The following NPHP4 variants were observed in gnomAD, a reference collection of about 807,000 sequenced individuals.
NPHP4 encodes nephrocystin 4.
A neutral mutation model predicts 155.8 loss-of-function variants in NPHP4; 151 were observed. That is an observed-to-expected ratio of 0.97 (90% CI 0.85 to 1.11). The LOEUF is 1.11. NPHP4 is among the 50% of genes least tolerant of loss of function. The pLI is 0.00. For synonymous variants in NPHP4, 845 were observed against 816.8 expected, an observed-to-expected ratio of 1.03 and a Z score of -0.59; for missense variants, 1,956 against 1,925.7, an observed-to-expected ratio of 1.02 and a Z score of -0.29.
intron 9 of NPHP4, among the ~76,000 whole-genome samples, chr1:5,935,045 A>G (rs1312453096): frequency 6.6e-6 from 1 of 152,192 alleles, no homozygotes; most frequent in Admixed American, 6.5e-5. Context: ...AGATGGCCCC[A>G]TGGTCTCTAC....
intron 1 of NPHP4, among the ~76,000 whole-genome samples, chr1:5,987,186 G>C (rs1351914607): frequency 6.6e-6 from 1 of 152,056 alleles, no homozygotes; most frequent in African/African-American, 2.4e-5. Flanking sequence ...GGTGGGTCTT[G>C]GCCCGTTTTG....
At chr1:5,963,321 G>A (rs990807968) in intron 5 of NPHP4, among the ~76,000 whole-genome samples, 1 of 152,030 alleles carries the variant, frequency 6.6e-6, no homozygotes, top group African/African-American at 2.4e-5. Flanking sequence ...CTTGAACCCG[G>A]GAGGCAGAGG....
intron 3 of NPHP4, among the ~76,000 whole-genome samples, chr1:5,969,974 T>C (rs1652270416): frequency 6.6e-6 from 1 of 152,140 alleles, no homozygotes; most frequent in Non-Finnish European, 1.5e-5. Flanking sequence ...GTAGATGATA[T>C]TCAAATTGAT....
rs965567497 is a variant in NPHP4 at position 5,873,729 on chromosome 1, C to T, written c.3232-394G>A. On this transcript the variant is annotated intron_variant, in intron 22 of 29. Transcript: ENST00000378156. ...AAAAGCTGAAACACACACTCCACAC[C>T]CCATGCCGGCCTCACGCACCCGGGC... 1.3e-5 allele frequency: 4 copies of T among 311,234 alleles called. No homozygotes were observed. In the Admixed American group the frequency reaches 2.0e-4, roughly 16 times the overall value. 19.3% of individuals were successfully genotyped at this position (311,234 alleles called of 1,614,324 possible).
intron 20 of NPHP4, chr1:5,876,365 G>A (rs1642607388): frequency 6.6e-6 from 1 of 152,616 alleles, no homozygotes; most frequent in African/African-American, 2.4e-5. Context: ...AGTCCTGTGG[G>A]ATCAGGCCAG....
chr1:5,879,241 TCA>T (rs1004594885), intron 19 of NPHP4: 18 of 261,118 alleles, frequency 6.9e-5, no homozygotes, highest in South Asian at 4.9e-4. Context: ...AGCTGTGAAT[TCA>T]CACAGATGAT....
At chr1:5,902,255 G>A (rs151097524) in intron 16 of NPHP4, among the ~76,000 whole-genome samples, 91 of 152,270 alleles carry the variant, frequency 6.0e-4, no homozygotes, top group African/African-American at 2.0e-3. Flanking sequence ...GCAACAGTCC[G>A]AGATGTGCTT....
Position 5,979,393 on chromosome 1 carries a change from G to A in NPHP4, c.136-980C>T, listed in dbSNP as rs114088019. On this transcript the variant is annotated intron_variant, in intron 2 of 29. Coordinates refer to ENST00000378156, the MANE Select transcript of NPHP4 (RefSeq NM_015102.5). ...GATGATCCTTGAGCTGAGAACAAGG[G>A]GGGCATGAGAAGAACCACAGGGAGT... 2.0e-5 allele frequency among the ~76,000 whole-genome samples: 3 copies of A among 152,198 alleles called. No individual in the cohort carries two copies. In the South Asian group the frequency reaches 6.2e-4, roughly 32 times the overall value.
rs376351293 is a variant in NPHP4 at position 5,874,534 on chromosome 1, G to A, written c.3168C>T (p.His1056=). ...SLAPQLYLRP[H]ETAHVPFKFQ... ...ACTTGAAGGGGACGTGGGCGGTCTC[G>A]TGGGGGCGCAGGTAGAGCTGGGGGG... Residue 1056 remains histidine (H), a synonymous_variant, in exon 22 of 30, where the codon CAC becomes CAT. Transcript: ENST00000378156. 1,520 of 1,595,674 alleles carry A rather than the reference G, an allele frequency of 9.5e-4. 2 individuals are homozygous for A. The highest frequency in any genetic ancestry group is 1.1e-3 in the Non-Finnish European group (1,278 of 1,171,538).
intron 1 of NPHP4, among the ~76,000 whole-genome samples, chr1:5,989,514 GAAGA>G (rs1655935941): frequency 6.6e-6 from 1 of 152,186 alleles, no homozygotes; most frequent in South Asian, 2.1e-4. Flanking sequence ...CCAAGTTCTT[GAAGA>G]AAGAAGCCTC....
rs1394432718 is a variant in NPHP4, at chr1:5,975,758, G to GC, written c.279+2511dup. 1.2e-4 allele frequency among the ~76,000 whole-genome samples: 18 copies of GC among 152,326 alleles called. No individual in the cohort carries two copies. The East Asian group carries it at 3.3e-3, about 28-fold the overall frequency. The stretch of plus-strand genomic sequence containing the variant: ...CGCAGCTGCCAGGATGTGGTGAAAT[G>GC]CAAGTGCTGCCCAACTTCCGCCGCA... On this transcript the variant is annotated intron_variant, in intron 3 of 29. Coordinates refer to ENST00000378156, the MANE Select transcript of NPHP4 (RefSeq NM_015102.5).
At chr1:5,983,665 T>C (rs1271488645) in intron 2 of NPHP4, among the ~76,000 whole-genome samples, 1 of 152,198 alleles carries the variant, frequency 6.6e-6, no homozygotes, top group Non-Finnish European at 1.5e-5. Flanking sequence ...CTGAGTCATG[T>C]GAGTCCTCTT....
chr1:5,897,461 A>AC (rs1644449782), intron 16 of NPHP4, among the ~76,000 whole-genome samples: 1 of 152,242 alleles, frequency 6.6e-6, no homozygotes, highest in African/African-American at 2.4e-5. Context: ...TGTGAAGCAC[A>AC]CAGCACTGAC....
rs1210075654 is a variant in NPHP4 at position 5,900,563 on chromosome 1, G to A, written c.2143+4054C>T. ...CAGGGGAGGAGGGGAGGGCTAAATA[G>A]GTGGAGCGCAGGGGAGGTGTAGGGC... On this transcript the variant is annotated intron_variant, in intron 16 of 29. Transcript: ENST00000378156. 3.9e-5 allele frequency among the ~76,000 whole-genome samples: 6 copies of A among 152,166 alleles called. No individual in the cohort carries two copies. In the South Asian group the frequency reaches 1.0e-3, roughly 26 times the overall value.
Position 5,921,632 on chromosome 1 carries a change from T to C in NPHP4, c.1441+6017A>G, listed in dbSNP as rs188779598. ...GTTATTCTGGTTTCTTCTCTATAAA[T>C]TCCCTCTTCATATGACGACAGCGTT... On this transcript the variant is annotated intron_variant, in intron 11 of 29. Coordinates refer to ENST00000378156, the MANE Select transcript of NPHP4 (RefSeq NM_015102.5). Among the ~76,000 whole-genome samples, 107 of 152,354 alleles carry C rather than the reference T, an allele frequency of 7.0e-4. 2 individuals carry two copies. Among genetic ancestry groups the C allele is most frequent in the African/African-American group, 2.1e-3 (89 of 41,580 alleles).
chr1:5,865,979 G>A, intron 26 of NPHP4: 1 of 237,860 alleles, frequency 4.2e-6, no homozygotes, highest in Non-Finnish European at 8.3e-6. Context: ...GAGGAGAGAG[G>A]GATGGGCATT....
Position 5,934,822 on chromosome 1 carries a change from C to A in NPHP4, c.1120-1493G>T, listed in dbSNP as rs1360571624. ...GCACAGCATCCACCAGGAACAGAGA[C>A]ACCCAGAGGATCCAGGAATTTGCGC... On this transcript the variant is annotated intron_variant, in intron 9 of 29. Transcript: ENST00000378156. Among the ~76,000 whole-genome samples, 3 of 152,200 alleles carry A rather than the reference C, an allele frequency of 2.0e-5. No individual in the cohort carries two copies. In the South Asian group the frequency reaches 6.2e-4, roughly 31 times the overall value.
Position 5,905,556 on chromosome 1 carries a change from C to T in NPHP4, c.1764-73G>A. The T allele has an allele frequency of 1.2e-6, 2 of 1,602,944 alleles. No individual in the cohort carries two copies. The highest frequency in any genetic ancestry group is 8.5e-7 in the Non-Finnish European group (1 of 1,171,710). On this transcript the variant is annotated intron_variant, in intron 14 of 29. Coordinates refer to ENST00000378156, the MANE Select transcript of NPHP4 (RefSeq NM_015102.5). This position sits in a 1 kb window ranked among gnomAD's most constrained non-coding sequence, Gnocchi z 4.0. ...CATTGATGCACCTCCCTGTGGAAAC[C>T]CTGGGGTTCACAAGGTCCAACAGTC... is the stretch of plus-strand genomic sequence containing the variant.
At chr1:5,947,781 C>A (rs1647188690) in intron 8 of NPHP4, among the ~76,000 whole-genome samples, 1 of 152,136 alleles carries the variant, frequency 6.6e-6, no homozygotes, top group Non-Finnish European at 1.5e-5. Flanking sequence ...CAGGGCACGC[C>A]TAGAAGGCAG....
Sources: allele counts gnomAD v4.1 joint callset (sites outside exome capture counted in the v4.1 genomes callset), GRCh38; gene constraint gnomAD v4.1.1; non-coding constraint Gnocchi (gnomAD v3.1); transcripts MANE v1.5; gene names NCBI Gene and HGNC (gene_info 2026-07-23, HGNC 2026-07-21).